RBL1: variants seen among roughly 807,000 people sequenced by gnomAD.
RBL1 encodes the protein retinoblastoma-like protein 1.
Under a neutral mutation model 123.0 loss-of-function variants are expected in RBL1, and 82 were observed. The ratio of observed to expected loss-of-function variants is 0.67; its 90% CI spans 0.56 to 0.80. The LOEUF (loss-of-function observed/expected upper bound fraction) is 0.80. RBL1 is among the 30% of genes least tolerant of loss of function. The pLI, the probability that RBL1 is intolerant of heterozygous loss-of-function variation, is 0.00. For synonymous variants in RBL1, 405 were observed against 441.3 expected, an observed-to-expected ratio of 0.92 and a Z score of 1.03; for missense variants, 1,171 against 1,299.6, an observed-to-expected ratio of 0.90 and a Z score of 1.52.
chr20:37,015,012 G>A (rs1235462870), intron 19 of RBL1, among the ~76,000 whole-genome samples: 1 of 147,730 alleles, frequency 6.8e-6, no homozygotes, highest in Admixed American at 6.9e-5. Flanking sequence ...GCAGTGAGCC[G>A]AGATCGCACC....
At position 36,997,202 on chromosome 20, in the gene RBL1, C is replaced by T. The variant is rs1340470215; in HGVS notation, c.*1557G>A. On this transcript the variant is annotated 3_prime_UTR_variant, in exon 22 of 22. Transcript: ENST00000373664. Reference sequence around the variant, plus strand: ...AAGAGGTGATATTTTGGAAAGCATCCCTAGTACTGAAAAGCATCCCTAGCA... The same window carrying T: ...AAGAGGTGATATTTTGGAAAGCATCTCTAGTACTGAAAAGCATCCCTAGCA... 1.3e-5 allele frequency: 2 copies of T among 151,956 alleles called. No homozygotes were observed. Among genetic ancestry groups the T allele is most frequent in the South Asian group, 2.1e-4 (1 of 4,822 alleles). 9.4% of individuals were successfully genotyped at this position (151,956 alleles called of 1,614,324 possible).
At chr20:37,068,833 C>CTCTCCCTCTCCCTCTCCCCACGG (rs1181179936) in intron 2 of RBL1, among the ~76,000 whole-genome samples, 1 of 152,120 alleles carries the variant, frequency 6.6e-6, no homozygotes, top group African/African-American at 2.4e-5. Flanking sequence ...AAATTAGGAG[C>CTCTCCCTCTCCCTCTCCCCACGG]TCTCCCTCTC....
intron 8 of RBL1, 51 bp from the exon 9 acceptor site, chr20:37,061,320 T>A: frequency 6.3e-7 from 1 of 1,586,906 alleles, no homozygotes; most frequent in Non-Finnish European, 8.6e-7. Flanking sequence ...ATCTTCCTTA[T>A]TATGTGTTTA....
At chr20:37,016,096 T>G (rs530898169) in intron 19 of RBL1, among the ~76,000 whole-genome samples, 2 of 150,842 alleles carry the variant, frequency 1.3e-5, no homozygotes, top group Middle Eastern at 3.4e-3. Flanking sequence ...GGTGTGATCT[T>G]GGCTCACTGC....
At chr20:37,038,598 CTTTTT>C (rs1185859018) in intron 14 of RBL1, among the ~76,000 whole-genome samples, 1 of 118,620 alleles carries the variant, frequency 8.4e-6, no homozygotes, top group African/African-American at 3.2e-5. Flanking sequence ...TGTGCCTGGC[CTTTTT>C]TTTTTTTTTT....
At chr20:37,070,749 C>CA (rs532623475) in intron 2 of RBL1, among the ~76,000 whole-genome samples, 19 of 151,636 alleles carry the variant, frequency 1.3e-4, no homozygotes, top group Non-Finnish European at 2.2e-4. Flanking sequence ...CTGCAACTTC[C>CA]ACCTCCTGTG....
chr20:37,072,649 T>C (rs2065300036), intron 2 of RBL1, among the ~76,000 whole-genome samples: 1 of 152,188 alleles, frequency 6.6e-6, no homozygotes, highest in Non-Finnish European at 1.5e-5. Context: ...TAATCTGATA[T>C]CCTTTATCAG....
At position 37,055,637 on chromosome 20, in the gene RBL1, TA is replaced by T; in HGVS notation, c.1382del (p.Leu461GlnfsTer12). 6.2e-7 allele frequency: 1 copy of T among 1,613,260 alleles called. No individual in the cohort carries two copies. On this transcript the variant is annotated frameshift_variant, in exon 11 of 22. Transcript: ENST00000373664. LOFTEE classifies it high-confidence loss of function. The part of the protein sequence containing the change: ...GSHIDFAVNR[L>X]KLAEILYYKI... ...TATAATACAAAATTTCTGCCAGCTT[TA>T]GTCTGTTTACAGCAAAGTCTATCAG...
intron 15 of RBL1, among the ~76,000 whole-genome samples, chr20:37,034,012 C>T (rs182437535): frequency 1.3e-4 from 20 of 150,632 alleles, no homozygotes; most frequent in Non-Finnish European, 7.4e-5. Flanking sequence ...GATCATGGCT[C>T]ACTGTAGCCT....
rs772242605 is a variant in RBL1 at position 37,066,871 on chromosome 20, A to AC, written c.698_699insG (p.Asp233GlufsTer6). ...AAGCCGTAAAGTCAGCAGTATGAAA[A>AC]TCAGATGGTAAACCTAGTTTGACAG... On this transcript the variant is annotated frameshift_variant, in exon 6 of 22. Transcript: ENST00000373664. LOFTEE classifies it high-confidence loss of function. 6.2e-7 allele frequency: 1 copy of AC among 1,613,744 alleles called. No individual in the cohort carries two copies. Among genetic ancestry groups the AC allele is most frequent in the Non-Finnish European group, 8.5e-7 (1 of 1,179,922 alleles).
At position 37,022,636 on chromosome 20, in the gene RBL1, A is replaced by C; in HGVS notation, c.2559+14T>G. On this transcript the variant is annotated intron_variant, in intron 17 of 21. Coordinates refer to ENST00000373664, the MANE Select transcript of RBL1 (RefSeq NM_002895.5). Reference sequence around the variant, plus strand: ...GCCACCATGCCCAGCCTCTTCTCCCAATTTATACATTACCTTTGCCATGAT... The same window carrying C: ...GCCACCATGCCCAGCCTCTTCTCCCCATTTATACATTACCTTTGCCATGAT... 6.3e-7 allele frequency: 1 copy of C among 1,591,452 alleles called. No individual in the cohort carries two copies. Among genetic ancestry groups the C allele is most frequent in the Middle Eastern group, 1.7e-4 (1 of 5,940 alleles).
chr20:37,082,078 G>A, intron 2 of RBL1: 2 of 453,162 alleles, frequency 4.4e-6, no homozygotes, highest in South Asian at 3.1e-5. Context: ...GAGCCTGCAA[G>A]GCTGGGCCAG....
chr20:37,075,856 C>G (rs1043368922), intron 2 of RBL1, among the ~76,000 whole-genome samples: 1 of 152,064 alleles, frequency 6.6e-6, no homozygotes, highest in African/African-American at 2.4e-5. Context: ...AGACTCTAAC[C>G]TAAGAAGAAA....
chr20:37,032,638 C>T, intron 16 of RBL1, 27 bp downstream of exon 16: 1 of 1,610,850 alleles, frequency 6.2e-7, no homozygotes, highest in South Asian at 1.1e-5. Flanking sequence ...TAAACAAATT[C>T]TTCTAAAGTG....
At chr20:37,057,434 A>T (rs1266618172) in intron 9 of RBL1, among the ~76,000 whole-genome samples, 2 of 151,908 alleles carry the variant, frequency 1.3e-5, no homozygotes, top group African/African-American at 4.8e-5. Flanking sequence ...TCTCATTGTG[A>T]TTTTGATTTG....
At chr20:37,022,605 G>T in intron 17 of RBL1, 45 bp downstream of exon 17, 1 of 1,544,628 alleles carries the variant, frequency 6.5e-7, no homozygotes, top group Non-Finnish European at 8.8e-7. Flanking sequence ...AGGATTATAC[G>T]TGTGAGCCAC....
intron 2 of RBL1, among the ~76,000 whole-genome samples, chr20:37,078,376 T>C (rs1055758070): frequency 6.6e-6 from 1 of 152,260 alleles, no homozygotes; most frequent in Non-Finnish European, 1.5e-5. Context: ...CAATTATTAC[T>C]ATGAGGTTGC....
chr20:37,006,756 C>T (rs1004873346), intron 20 of RBL1, among the ~76,000 whole-genome samples: 7 of 148,416 alleles, frequency 4.7e-5, no homozygotes, highest in Admixed American at 2.0e-4. Context: ...AGGAGAATCA[C>T]TTGAGCCCGG....
At chr20:37,014,671 C>T (rs775420476) in intron 19 of RBL1, among the ~76,000 whole-genome samples, 5 of 151,688 alleles carry the variant, frequency 3.3e-5, no homozygotes, top group South Asian at 4.2e-4. Context: ...GTGGCTGAGT[C>T]GAGAATCACT....
Sources: gnomAD v4.1 joint callset for allele counts (sites outside exome capture counted in the v4.1 genomes callset) on GRCh38, gnomAD v4.1.1 for gene constraint, MANE v1.5 for transcripts, NCBI Gene and HGNC (gene_info 2026-07-23, HGNC 2026-07-21) for gene names.